Variants in LIG1 observed in about 807,000 individuals in gnomAD.
LIG1 encodes DNA ligase 1.
A neutral mutation model predicts 115.7 loss-of-function variants in LIG1; 70 were observed. The observed-to-expected ratio is 0.60, with a 90% confidence interval of 0.50 to 0.74. The LOEUF (loss-of-function observed/expected upper bound fraction) is 0.74, where lower values mean the gene tolerates loss of function less well. Ranked by LOEUF, LIG1 falls within the 30% of genes least tolerant of loss-of-function variation. The pLI, the probability that LIG1 is intolerant of heterozygous loss-of-function variation, is 0.00. For missense variants in LIG1, 1,115 were observed against 1,225.6 expected (o/e 0.91, Z 1.35); for synonymous variants, 487 against 495.3 (o/e 0.98, Z 0.22).
chr19:48,147,802 A>T (rs1282087586), intron 9 of LIG1, among the ~76,000 whole-genome samples: 2 of 151,314 alleles, frequency 1.3e-5, no homozygotes, highest in Non-Finnish European at 2.9e-5. Flanking sequence ...TGAGTAAATA[A>T]ATGAGTCCAT....
chr19:48,166,110 C>CTA (rs2036468021), intron 1 of LIG1, among the ~76,000 whole-genome samples: 1 of 152,134 alleles, frequency 6.6e-6, no homozygotes, highest in Non-Finnish European at 1.5e-5. Context: ...AAGAGAAAGG[C>CTA]TATAGGTCAG....
chr19:48,153,536 C>T (rs2122890253), intron 6 of LIG1, among the ~76,000 whole-genome samples: 1 of 151,992 alleles, frequency 6.6e-6, no homozygotes, highest in South Asian at 2.1e-4. Context: ...AACAAAAGTT[C>T]CCATATTGGT....
chr19:48,153,088 G>A (rs1005203001), intron 6 of LIG1, among the ~76,000 whole-genome samples: 7 of 151,616 alleles, frequency 4.6e-5, no homozygotes, highest in South Asian at 2.1e-4. Context: ...CCAGCTACTC[G>A]GGAAGCTGAG....
chr19:48,153,238 T>C (rs1050637913), intron 6 of LIG1, among the ~76,000 whole-genome samples: 2 of 146,900 alleles, frequency 1.4e-5, no homozygotes, highest in African/African-American at 5.0e-5. Flanking sequence ...TTTTTTCCAA[T>C]GTATGTATAG....
chr19:48,135,988 G>A, intron 15 of LIG1, 46 bp downstream of exon 15: 8 of 1,466,580 alleles, frequency 5.5e-6, no homozygotes, highest in Non-Finnish European at 7.4e-6. Flanking sequence ...GGGGAAGCCT[G>A]AGGTAACTCC....
intron 5 of LIG1, 54 bp downstream of exon 5, chr19:48,156,960 A>AAAT: frequency 7.4e-7 from 1 of 1,359,924 alleles, no homozygotes; most frequent in Non-Finnish European, 9.8e-7. Flanking sequence ...AAAAAAAAAA[A>AAAT]AAGAGAAAAA....
At chr19:48,143,734 T>C in intron 10 of LIG1, 135 bp from the exon 11 acceptor site, 1 of 1,047,828 alleles carries the variant, frequency 9.5e-7, no homozygotes, top group Non-Finnish European at 1.5e-6. Context: ...TTCCCAGGGC[T>C]GTCTCTCTGT....
rs1039530575 is a variant in LIG1 at position 48,134,202 on chromosome 19, T to A, written c.1524-136A>T. 41 of 716,360 alleles carry A rather than the reference T, an allele frequency of 5.7e-5. No homozygotes were observed. The Admixed American group carries it at 6.6e-4, about 11-fold the overall frequency. The allele number at this position is 716,360 out of a possible 1,614,324, so 44.4% of individuals were successfully genotyped here. On this transcript the variant is annotated intron_variant, in intron 16 of 27. Coordinates refer to ENST00000263274, the MANE Select transcript of LIG1 (RefSeq NM_000234.3). ...ACTGAGTCACCACCTGCCAAGCTCC[T>A]CTTGCCACCCTGTCTCTGTGCTCTC... is the stretch of plus-strand genomic sequence containing the variant.
rs188138547 is a variant in LIG1, at chr19:48,116,916, G to A, written c.2583+722C>T. On this transcript the variant is annotated intron_variant, in intron 26 of 27. Transcript: ENST00000263274. ...AGCACTTTGGGAGGCCGAGGTGGGC[G>A]GATTGAGGCCAGGTGTTTGTGACCA... 1.6e-4 allele frequency among the ~76,000 whole-genome samples: 25 copies of A among 152,278 alleles called. No homozygotes were observed. In the East Asian group the frequency reaches 3.3e-3, roughly 20 times the overall value.
chr19:48,146,880 C>A (rs986736778), intron 9 of LIG1, among the ~76,000 whole-genome samples: 1 of 152,180 alleles, frequency 6.6e-6, no homozygotes, highest in East Asian at 1.9e-4. Flanking sequence ...CTGGCCCTAC[C>A]CCCACCTCCC....
chr19:48,161,359 G>A lies in LIG1; in HGVS notation c.243+13C>T. On this transcript the variant is annotated intron_variant, in intron 4 of 27. Coordinates refer to ENST00000263274, the MANE Select transcript of LIG1 (RefSeq NM_000234.3). ...TTCTTCTGGTAAAAATGGGCAGGGT[G>A]ATGGGGACCTACCTGGCCTTTAGCA... 1.9e-6 allele frequency: 3 copies of A among 1,614,174 alleles called. No homozygotes were observed. In the East Asian group the frequency reaches 6.7e-5, roughly 36 times the overall value.
chr19:48,137,517 C>T lies in LIG1; in HGVS notation c.1254+5G>A, dbSNP rs2034468958. 6.2e-7 allele frequency: 1 copy of T among 1,611,970 alleles called. No homozygotes were observed. Among genetic ancestry groups the T allele is most frequent in the Non-Finnish European group, 8.5e-7 (1 of 1,179,980 alleles). On this transcript the variant is annotated splice_donor_5th_base_variant and intron_variant, in intron 13 of 27. Coordinates refer to ENST00000263274, the MANE Select transcript of LIG1 (RefSeq NM_000234.3). This position sits in a 1 kb window ranked among gnomAD's most constrained non-coding sequence, Gnocchi z 4.3. Reference sequence around the variant, plus strand: ...GGTCCGGGATGAGCGGCCCGCCCCACTCACAGCACTGCCAGTGAGCCTGGC... The same window carrying T: ...GGTCCGGGATGAGCGGCCCGCCCCATTCACAGCACTGCCAGTGAGCCTGGC...
intron 5 of LIG1, chr19:48,154,355 G>A: frequency 3.2e-6 from 1 of 312,934 alleles, no homozygotes. Context: ...AAGTCTGGAA[G>A]TGGCAGGGAA....
intron 11 of LIG1, 80 bp from the exon 12 acceptor site, chr19:48,140,223 G>T: frequency 2.2e-6 from 2 of 894,054 alleles, no homozygotes; most frequent in Non-Finnish European, 3.6e-6. Context: ...GTTTAAGGGG[G>T]TGGACACTAG....
Position 48,131,085 on chromosome 19 carries a change from G to A in LIG1, c.1812C>T (p.Arg604=), listed in dbSNP as rs879690046. Residue 604 remains arginine, a synonymous_variant, in exon 19 of 28, where the codon CGC becomes CGT. Transcript: ENST00000263274. ...NTGKYPDIIS[R]IPKIKLPSVT... ...TGTGGCAGACGCCCACCTTGGGGAT[G>A]CGGCTGATGATGTCCGGGTACTTCC... 2 of 1,613,928 alleles carry A rather than the reference G, an allele frequency of 1.2e-6. No homozygotes were observed. The highest frequency in any genetic ancestry group is 1.7e-6 in the Non-Finnish European group (2 of 1,179,778).
chr19:48,162,896 C>A (rs1312471755), intron 2 of LIG1, among the ~76,000 whole-genome samples: 1 of 150,500 alleles, frequency 6.6e-6, no homozygotes. Context: ...TTTTATTCAA[C>A]AAATATTAAC....
chr19:48,153,275 A>G (rs1034866058), intron 6 of LIG1, among the ~76,000 whole-genome samples: 3 of 151,726 alleles, frequency 2.0e-5, no homozygotes, highest in African/African-American at 4.8e-5. Context: ...GGACATAACT[A>G]CTTAATAGAA....
At chr19:48,148,189 G>A (rs2122796319) in intron 9 of LIG1, among the ~76,000 whole-genome samples, 1 of 152,178 alleles carries the variant, frequency 6.6e-6, no homozygotes, top group South Asian at 2.1e-4. Flanking sequence ...GAAGCAGGGA[G>A]GAGGCTGGGT....
At position 48,116,759 on chromosome 19, in the gene LIG1, TACAC is replaced by T. The variant is rs547501649; in HGVS notation, c.2584-798_2584-795del. 3.5e-3 allele frequency among the ~76,000 whole-genome samples: 538 copies of T among 152,316 alleles called. 2 individuals are homozygous for T. The highest frequency in any genetic ancestry group is 0.012 in the African/African-American group (517 of 41,576). ...TGCCCACTGCACAGCAAGGGCTGGATACACACCGGCTCCTGTGCCTTGTTACTAA... is the reference window on the plus strand; with the variant it reads ...TGCCCACTGCACAGCAAGGGCTGGATACCGGCTCCTGTGCCTTGTTACTAA... On this transcript the variant is annotated intron_variant, in intron 26 of 27. Coordinates refer to ENST00000263274, the MANE Select transcript of LIG1 (RefSeq NM_000234.3).
Sources: gnomAD v4.1 joint callset for allele counts (sites outside exome capture counted in the v4.1 genomes callset) on GRCh38, gnomAD v4.1.1 for gene constraint, Gnocchi (gnomAD v3.1) non-coding constraint, MANE v1.5 for transcripts, NCBI Gene and HGNC (gene_info 2026-07-23, HGNC 2026-07-21) for gene names.